WSCD1: variants seen among roughly 807,000 people sequenced by gnomAD.
WSCD1 encodes the protein sialate:O-sulfotransferase 1.
Under a neutral mutation model 60.4 loss-of-function variants are expected in WSCD1, and 41 were observed. That is an observed-to-expected ratio of 0.68 (90% CI 0.53 to 0.88). WSCD1 has a LOEUF of 0.88. Among genes scored for constraint, WSCD1 ranks in the 40% least tolerant of loss-of-function variants. The pLI is 0.00. For missense variants in WSCD1, 784 were observed against 796.2 expected (o/e 0.98, Z 0.18); for synonymous variants, 361 against 332.5 (o/e 1.09, Z -0.93).
intron 8 of WSCD1, among the ~76,000 whole-genome samples, chr17:6,120,078 G>T (rs1044523818): frequency 3.3e-5 from 5 of 152,218 alleles, no homozygotes; most frequent in Admixed American, 3.3e-4. Context: ...GATGGGAAAT[G>T]GAGGCTGCAC....
Position 6,095,393 on chromosome 17 carries a change from C to G in WSCD1, c.849+170C>G, listed in dbSNP as rs536397655. Among the ~76,000 whole-genome samples the G allele has an allele frequency of 1.9e-4, 29 of 152,320 alleles. 2 individuals are homozygous for G. The South Asian group carries it at 5.8e-3, about 30-fold the overall frequency. The stretch of plus-strand genomic sequence containing the variant: ...CACCAGGTACCACAGAGGGAGCCGG[C>G]AGGGAGCCCTTCGCCTCTGTCCACC... On this transcript the variant is annotated intron_variant, in intron 5 of 8. Coordinates refer to ENST00000317744, the MANE Select transcript of WSCD1 (RefSeq NM_015253.2).
intron 2 of WSCD1, among the ~76,000 whole-genome samples, chr17:6,086,502 A>AT (rs1231687927): frequency 6.6e-6 from 1 of 151,320 alleles, no homozygotes; most frequent in East Asian, 1.9e-4. Flanking sequence ...CATCCAGCTA[A>AT]TTTTTGGTAT....
chr17:6,111,776 G>C (rs1290154329), intron 7 of WSCD1, among the ~76,000 whole-genome samples: 1 of 143,500 alleles, frequency 7.0e-6, no homozygotes, highest in Admixed American at 6.9e-5. Context: ...TCCAATAACA[G>C]ACCCCAAAGA....
intron 2 of WSCD1, among the ~76,000 whole-genome samples, chr17:6,086,735 A>G (rs1306184160): frequency 6.6e-6 from 1 of 152,066 alleles, no homozygotes; most frequent in African/African-American, 2.4e-5. Flanking sequence ...TGGTTGGCAG[A>G]CTTCCTCCCC....
intron 5 of WSCD1, among the ~76,000 whole-genome samples, chr17:6,100,335 C>T (rs1910726218): frequency 6.6e-6 from 1 of 152,218 alleles, no homozygotes. Context: ...CTTGGCAAAG[C>T]TGCCACAGAA....
chr17:6,095,236 G>A lies in WSCD1; in HGVS notation c.849+13G>A, dbSNP rs758298432. On this transcript the variant is annotated intron_variant, in intron 5 of 8. Coordinates refer to ENST00000317744, the MANE Select transcript of WSCD1 (RefSeq NM_015253.2). Reference sequence around the variant, plus strand: ...TTGTTCCCAGAAAGTAAGACCAAGTGATCATTTCACAACCCTTTCCTTTAA... The same window carrying A: ...TTGTTCCCAGAAAGTAAGACCAAGTAATCATTTCACAACCCTTTCCTTTAA... 1.9e-6 allele frequency: 3 copies of A among 1,611,748 alleles called. No homozygotes were observed. The Admixed American group carries it at 5.0e-5, about 27-fold the overall frequency.
In WSCD1 at chr17:6,086,369, T is replaced by C. The variant is rs1295057028; in HGVS notation, c.428-1621T>C. On this transcript the variant is annotated intron_variant, in intron 2 of 8. Transcript: ENST00000317744. ...TATATATATTCAGACAGAGTCTTGC[T>C]CTGTCACCCAGGCTGGAGTGCAGTG... Among the ~76,000 whole-genome samples, 15 of 151,250 alleles carry C rather than the reference T, an allele frequency of 9.9e-5. No individual in the cohort carries two copies. In the South Asian group the frequency reaches 2.9e-3, roughly 30 times the overall value.
rs192523380 is a variant in WSCD1, at chr17:6,090,985, G to A, written c.727+480G>A. On this transcript the variant is annotated intron_variant, in intron 4 of 8. Coordinates refer to ENST00000317744, the MANE Select transcript of WSCD1 (RefSeq NM_015253.2). ...GGCTCACTGCAACCCCCACCTCTCC[G>A]GTTCAAACAATTCTCCTGCCTCAGC... Among the ~76,000 whole-genome samples the A allele has an allele frequency of 4.0e-3, 604 of 152,132 alleles. 1 individual carries two copies. Among genetic ancestry groups the A allele is most frequent in the Non-Finnish European group, 6.2e-3 (423 of 68,030 alleles).
chr17:6,091,016 G>T (rs1165346793), intron 4 of WSCD1, among the ~76,000 whole-genome samples: 1 of 152,006 alleles, frequency 6.6e-6, no homozygotes, highest in Non-Finnish European at 1.5e-5. Flanking sequence ...TCAGCCTCCC[G>T]AGGAGCTAGG....
intron 1 of WSCD1, among the ~76,000 whole-genome samples, chr17:6,076,979 C>T (rs912403582): frequency 6.6e-6 from 1 of 152,074 alleles, no homozygotes; most frequent in Non-Finnish European, 1.5e-5. Context: ...GTGGTCTGTG[C>T]CCTGGAGGGG....
At chr17:6,089,155 G>A (rs150908301) in intron 3 of WSCD1, among the ~76,000 whole-genome samples, 4,019 of 152,252 alleles carry the variant, frequency 0.026, 88 homozygotes, top group Middle Eastern at 0.054. Context: ...TTTTACAGAT[G>A]GAGAAACTGA....
At chr17:6,085,864 G>A (rs949745655) in intron 2 of WSCD1, among the ~76,000 whole-genome samples, 9 of 152,198 alleles carry the variant, frequency 5.9e-5, no homozygotes, top group Non-Finnish European at 8.8e-5. Flanking sequence ...TGAAAGCTCT[G>A]TGCAGTGGTC....
rs760338342 is a variant in WSCD1, at chr17:6,080,842, C to T, written c.184C>T (p.Leu62=). 3 of 1,607,170 alleles carry T rather than the reference C, an allele frequency of 1.9e-6. No individual in the cohort carries two copies. Among genetic ancestry groups the T allele is most frequent in the African/African-American group, 1.3e-5 (1 of 74,876 alleles). ...LQTLPVAAVA[L]GVGLLDSRAL... ...GACCTTGCCAGTGGCCGCCGTGGCGCTGGGCGTGGGCTTGCTGGACAGCAG... is the reference window on the plus strand; with the variant it reads ...GACCTTGCCAGTGGCCGCCGTGGCGTTGGGCGTGGGCTTGCTGGACAGCAG... Residue 62 remains leucine (L), a synonymous_variant, in exon 2 of 9, where the codon CTG becomes TTG. Coordinates refer to ENST00000317744, the MANE Select transcript of WSCD1 (RefSeq NM_015253.2). This position sits in a 1 kb window ranked among gnomAD's most constrained non-coding sequence, Gnocchi z 6.6.
chr17:6,080,904 G>A lies in WSCD1; in HGVS notation c.246G>A (p.Leu82=), dbSNP rs1252168286. The A allele has an allele frequency of 6.3e-7, 1 of 1,598,000 alleles. No individual in the cohort carries two copies. Among genetic ancestry groups the A allele is most frequent in the Non-Finnish European group, 8.5e-7 (1 of 1,176,522 alleles). Reference sequence around the variant, plus strand: ...ACCCTCGAGTCAGCCCAGAGCTGCTGCTGGGTGTGGACATGCTGCAGAGCC... The same window carrying A: ...ACCCTCGAGTCAGCCCAGAGCTGCTACTGGGTGTGGACATGCTGCAGAGCC... ...LHDPRVSPEL[L]LGVDMLQSPL... is the part of the protein sequence containing the mutation. The change falls in exon 2 of 9, where the codon CTG becomes CTA. Residue 82 remains leucine (L), a synonymous_variant. Transcript: ENST00000317744. The surrounding 1 kb of genome is among the most constrained non-coding windows in gnomAD (Gnocchi z 6.6).
At chr17:6,105,280 C>T (rs972867368) in intron 5 of WSCD1, among the ~76,000 whole-genome samples, 24 of 152,186 alleles carry the variant, frequency 1.6e-4, no homozygotes, top group Admixed American at 2.0e-4. Context: ...TGCCCTCGGA[C>T]ACAGGCTGAG....
chr17:6,119,038 G>T (rs887026073), intron 8 of WSCD1, among the ~76,000 whole-genome samples: 4 of 152,154 alleles, frequency 2.6e-5, no homozygotes, highest in African/African-American at 9.7e-5. Context: ...GTCCTCACAT[G>T]TCCCCAACAG....
intron 1 of WSCD1, among the ~76,000 whole-genome samples, chr17:6,079,814 A>G (rs192685502): frequency 6.6e-6 from 1 of 152,314 alleles, no homozygotes; most frequent in Admixed American, 6.5e-5. Flanking sequence ...GTCTCATTGC[A>G]GGCTGGGCCA....
At chr17:6,105,904 T>C (rs1482650925) in intron 5 of WSCD1, among the ~76,000 whole-genome samples, 2 of 152,208 alleles carry the variant, frequency 1.3e-5, no homozygotes, top group Non-Finnish European at 2.9e-5. Flanking sequence ...AGATAGCGGC[T>C]TTTCTTTTCC....
intron 4 of WSCD1, among the ~76,000 whole-genome samples, chr17:6,091,884 C>T (rs180740021): frequency 1.4e-4 from 21 of 152,214 alleles, no homozygotes; most frequent in South Asian, 2.1e-4. Context: ...CAGCCGGGCG[C>T]GGTGGCTCAC....
Sources: allele counts gnomAD v4.1 joint callset (sites outside exome capture counted in the v4.1 genomes callset), GRCh38; gene constraint gnomAD v4.1.1; non-coding constraint Gnocchi (gnomAD v3.1); transcripts MANE v1.5; gene names NCBI Gene and HGNC (gene_info 2026-07-23, HGNC 2026-07-21).